RALGPS2: variants seen among roughly 807,000 people sequenced by gnomAD.
RALGPS2 encodes Ral GEF with PH domain and SH3 binding motif 2, also known as ras-specific guanine nucleotide-releasing factor RalGPS2.
RALGPS2 carries 43 observed loss-of-function variants against 86.8 expected under a neutral mutation model. The observed-to-expected ratio is 0.50, with a 90% confidence interval of 0.39 to 0.64. The LOEUF is 0.64. RALGPS2 is among the 30% of genes least tolerant of loss of function. The probability of loss-of-function intolerance (pLI) is 0.00; values close to 1 mark genes in which losing one functional copy is unlikely to be tolerated. For missense variants in RALGPS2, 536 were observed against 694.6 expected, an observed-to-expected ratio of 0.77 and a Z score of 2.57; for synonymous variants, 243 against 231.3, an observed-to-expected ratio of 1.05 and a Z score of -0.46.
At position 178,916,326 on chromosome 1, in the gene RALGPS2, T is replaced by C. The variant is rs917658589; in HGVS notation, c.1723-4T>C. 1.0e-5 allele frequency: 16 copies of C among 1,592,594 alleles called. No individual in the cohort carries two copies. The African/African-American group carries it at 1.5e-4, about 15-fold the overall frequency. ...ACTCAGTTTTTAATGCTTATATTTTTTAGGTTCCTACAAACTTGATGACTT... is the reference window on the plus strand; with the variant it reads ...ACTCAGTTTTTAATGCTTATATTTTCTAGGTTCCTACAAACTTGATGACTT... On this transcript the variant is annotated splice_polypyrimidine_tract_variant and splice_region_variant and intron_variant, in intron 19 of 19. Coordinates refer to ENST00000367635, the MANE Select transcript of RALGPS2 (RefSeq NM_152663.5).
chr1:178,823,458 G>A (rs1655605389), intron 7 of RALGPS2, among the ~76,000 whole-genome samples: 1 of 152,182 alleles, frequency 6.6e-6, no homozygotes, highest in South Asian at 2.1e-4. Flanking sequence ...CTGAAGAAAA[G>A]TAGAAAGGAA....
chr1:178,774,207 G>A (rs190441114), intron 1 of RALGPS2, among the ~76,000 whole-genome samples: 13 of 152,088 alleles, frequency 8.5e-5, no homozygotes, highest in East Asian at 3.9e-4. Flanking sequence ...CCTGGGAGGC[G>A]GAGGTTGCAG....
Position 178,902,172 on chromosome 1 carries a change from G to C in RALGPS2, c.1591G>C (p.Glu531Gln). 6.2e-7 allele frequency: 1 copy of C among 1,613,088 alleles called. No individual in the cohort carries two copies. The highest frequency in any genetic ancestry group is 8.5e-7 in the Non-Finnish European group (1 of 1,179,258). Residue 531 changes from glutamate (E) to glutamine (Q), a missense_variant, in exon 18 of 20, where the codon GAA (glutamate) becomes CAA (glutamine). By Grantham distance (29) the Glu-to-Gln change is conservative. Transcript: ENST00000367635. Reference protein sequence around the residue: ...GWMVMMADDPEHPDLFLLTDS... With the variant: ...GWMVMMADDPQHPDLFLLTDS... Reference sequence around the variant, plus strand: ...GATGGTGATGATGGCTGATGACCCTGAACATCCTGATCTCTTCCTGCTGAC... The same window carrying C: ...GATGGTGATGATGGCTGATGACCCTCAACATCCTGATCTCTTCCTGCTGAC...
At chr1:178,839,751 G>A (rs1398560894) in intron 8 of RALGPS2, among the ~76,000 whole-genome samples, 1 of 152,164 alleles carries the variant, frequency 6.6e-6, no homozygotes, top group Admixed American at 6.5e-5. Context: ...TCAGTGTGCT[G>A]TATTCAGGAG....
Position 178,808,080 on chromosome 1 carries a change from A to G in RALGPS2, c.249A>G (p.Lys83=). 1 of 1,611,408 alleles carries G rather than the reference A, an allele frequency of 6.2e-7. No individual in the cohort carries two copies. The highest frequency in any genetic ancestry group is 8.5e-7 in the Non-Finnish European group (1 of 1,178,090). The change falls in exon 5 of 20, where the codon AAA becomes AAG. Residue 83 remains lysine, a synonymous_variant. Transcript: ENST00000367635. ...LSSCGWNKKE[K]YSSAPNAVAF... The stretch of plus-strand genomic sequence containing the variant: ...GTTGTGGATGGAATAAAAAAGAAAA[A>G]TATAGTTCTGCACCAAATGCAGTTG...
At chr1:178,733,069 C>A (rs1650487551) in intron 1 of RALGPS2, among the ~76,000 whole-genome samples, 1 of 152,048 alleles carries the variant, frequency 6.6e-6, no homozygotes, top group South Asian at 2.1e-4. Flanking sequence ...AGAAATAATT[C>A]TGTAACGTAG....
At chr1:178,828,543 C>G (rs1655862141) in intron 7 of RALGPS2, among the ~76,000 whole-genome samples, 1 of 152,202 alleles carries the variant, frequency 6.6e-6, no homozygotes, top group Non-Finnish European at 1.5e-5. Flanking sequence ...TTTTGCAGCA[C>G]ATGACTGTAT....
intron 1 of RALGPS2, among the ~76,000 whole-genome samples, chr1:178,750,081 A>G (rs571110364): frequency 6.6e-6 from 1 of 152,346 alleles, no homozygotes; most frequent in Admixed American, 6.5e-5. Flanking sequence ...ACTGTTCGCC[A>G]GCCTTGGTGA....
chr1:178,867,952 G>A (rs1658522803), intron 8 of RALGPS2, among the ~76,000 whole-genome samples: 2 of 151,902 alleles, frequency 1.3e-5, no homozygotes, highest in Non-Finnish European at 2.9e-5. Context: ...AAAATGGGTA[G>A]ATAATGAAAA....
At chr1:178,846,087 T>G (rs1271176129) in intron 8 of RALGPS2, among the ~76,000 whole-genome samples, 1 of 152,230 alleles carries the variant, frequency 6.6e-6, no homozygotes, top group Admixed American at 6.5e-5. Flanking sequence ...GTAAAAATGT[T>G]TTCAAGAATA....
At chr1:178,730,445 C>T (rs578171626) in intron 1 of RALGPS2, among the ~76,000 whole-genome samples, 1 of 152,042 alleles carries the variant, frequency 6.6e-6, no homozygotes, top group Non-Finnish European at 1.5e-5. Flanking sequence ...TGGAACCTTA[C>T]AGTGTACTAT....
At chr1:178,882,304 CAGA>C (rs1659290508) in intron 10 of RALGPS2, among the ~76,000 whole-genome samples, 1 of 152,212 alleles carries the variant, frequency 6.6e-6, no homozygotes, top group East Asian at 1.9e-4. Flanking sequence ...CTGTAAGCTT[CAGA>C]AGGACAGGAA....
At chr1:178,773,842 G>A (rs978050269) in intron 1 of RALGPS2, among the ~76,000 whole-genome samples, 3 of 151,828 alleles carry the variant, frequency 2.0e-5, no homozygotes, top group Non-Finnish European at 2.9e-5. Context: ...AAATAGTTAC[G>A]AAAAGTTTAT....
intron 17 of RALGPS2, 27 bp downstream of exon 17, chr1:178,897,783 G>A (rs1660012171): frequency 1.9e-6 from 3 of 1,581,820 alleles, no homozygotes; most frequent in Non-Finnish European, 2.6e-6. Flanking sequence ...TACATTTTTA[G>A]CGTGGTTTCC....
chr1:178,898,163 CT>C (rs1660025480), intron 17 of RALGPS2, among the ~76,000 whole-genome samples: 1 of 152,008 alleles, frequency 6.6e-6, no homozygotes, highest in African/African-American at 2.4e-5. Context: ...CAATCACTTT[CT>C]TGTGCTTCAT....
intron 8 of RALGPS2, among the ~76,000 whole-genome samples, chr1:178,858,881 T>A (rs1031380821): frequency 5.3e-5 from 8 of 152,206 alleles, no homozygotes; most frequent in Non-Finnish European, 1.0e-4. Context: ...AATTACAGAT[T>A]ACAAAGAGAA....
chr1:178,787,332 G>A (rs1653703822), intron 4 of RALGPS2, among the ~76,000 whole-genome samples: 1 of 152,030 alleles, frequency 6.6e-6, no homozygotes, highest in African/African-American at 2.4e-5. Context: ...ATATAACTTT[G>A]TTTTCTGGTA....
At chr1:178,887,083 A>G (rs1659520343) in intron 13 of RALGPS2, among the ~76,000 whole-genome samples, 1 of 152,064 alleles carries the variant, frequency 6.6e-6, no homozygotes, top group Non-Finnish European at 1.5e-5. Context: ...TAAGAGAGGG[A>G]TTTGTTTGTT....
chr1:178,891,183 C>T (rs1436652518), intron 14 of RALGPS2, among the ~76,000 whole-genome samples: 1 of 152,018 alleles, frequency 6.6e-6, no homozygotes, highest in Non-Finnish European at 1.5e-5. Flanking sequence ...AGGTGTTTTG[C>T]TTTGCAGACA....
Sources: allele counts gnomAD v4.1 joint callset (sites outside exome capture counted in the v4.1 genomes callset), GRCh38; gene constraint gnomAD v4.1.1; transcripts MANE v1.5; gene names NCBI Gene and HGNC (gene_info 2026-07-23, HGNC 2026-07-21).